Variants in RAB11FIP4 observed in about 807,000 individuals in gnomAD.
The protein encoded by RAB11FIP4 is rab11 family-interacting protein 4.
Under a neutral mutation model 74.3 loss-of-function variants are expected in RAB11FIP4, and 23 were observed. That is an observed-to-expected ratio of 0.31 (90% CI 0.22 to 0.44). RAB11FIP4 has a LOEUF of 0.44. RAB11FIP4 is among the 20% of genes least tolerant of loss of function. The pLI is 1.00. For synonymous variants in RAB11FIP4, 360 were observed against 359.9 expected, an observed-to-expected ratio of 1.00 and a Z score of 0.00; for missense variants, 630 against 863.9, an observed-to-expected ratio of 0.73 and a Z score of 3.39.
intron 1 of RAB11FIP4, among the ~76,000 whole-genome samples, chr17:31,408,165 C>T (rs1198562759): frequency 1.3e-5 from 2 of 152,262 alleles, no homozygotes; most frequent in Admixed American, 6.5e-5. Flanking sequence ...ACATTTTGAG[C>T]ATTATGACTT....
intron 3 of RAB11FIP4, among the ~76,000 whole-genome samples, chr17:31,466,006 G>T (rs1445077214): frequency 9.8e-6 from 1 of 101,848 alleles, no homozygotes; most frequent in African/African-American, 3.0e-5. Context: ...AGCCGGGTGT[G>T]GTAGCACGCG....
chr17:31,505,618 A>ATT (rs2072325658), intron 3 of RAB11FIP4, among the ~76,000 whole-genome samples: 2 of 34,786 alleles, frequency 5.7e-5, no homozygotes, highest in African/African-American at 2.9e-4. Flanking sequence ...AATTATATAT[A>ATT]ATATATAATT....
intron 3 of RAB11FIP4, among the ~76,000 whole-genome samples, chr17:31,497,233 A>G (rs1310315697): frequency 3.3e-5 from 5 of 152,098 alleles, no homozygotes; most frequent in Admixed American, 2.0e-4. Flanking sequence ...GCGTGGTGGC[A>G]GGCGCCTGTA....
intron 1 of RAB11FIP4, among the ~76,000 whole-genome samples, chr17:31,407,066 T>A (rs978383871): frequency 6.9e-6 from 1 of 144,142 alleles, no homozygotes; most frequent in African/African-American, 2.5e-5. Context: ...TTTTTTTTTT[T>A]TTTGAGACAA....
At position 31,408,457 on chromosome 17, in the gene RAB11FIP4, G is replaced by A. The variant is rs538558203; in HGVS notation, c.159+16446G>A. ...GTGTTTTATTACTGCTGAGAATTAAGTACTTTTTTTCCATTGATTTTTTTC... is the reference window on the plus strand; with the variant it reads ...GTGTTTTATTACTGCTGAGAATTAAATACTTTTTTTCCATTGATTTTTTTC... On this transcript the variant is annotated intron_variant, in intron 1 of 14. Coordinates refer to ENST00000621161, the MANE Select transcript of RAB11FIP4 (RefSeq NM_032932.6). Among the ~76,000 whole-genome samples, 7 of 152,260 alleles carry A rather than the reference G, an allele frequency of 4.6e-5. No individual in the cohort carries two copies. In the South Asian group the frequency reaches 1.4e-3, roughly 32 times the overall value.
rs116612286 is a variant in RAB11FIP4, at chr17:31,458,805, C to T, written c.336+24683C>T. Among the ~76,000 whole-genome samples, 645 of 152,304 alleles carry T rather than the reference C, an allele frequency of 4.2e-3. 2 individuals carry two copies. Among genetic ancestry groups the T allele is most frequent in the African/African-American group, 0.013 (544 of 41,562 alleles). On this transcript the variant is annotated intron_variant, in intron 3 of 14. Transcript: ENST00000621161. ...TGTGGGTCACCCAGGGTGTGAAACA[C>T]GTTTGGGGCGAAGCTGCCACTTCCT...
intron 1 of RAB11FIP4, among the ~76,000 whole-genome samples, chr17:31,394,195 C>CCT (rs1286174182): frequency 1.3e-5 from 2 of 152,256 alleles, no homozygotes; most frequent in African/African-American, 4.8e-5. Context: ...TGTCCTATCT[C>CCT]TCAGGCAGCG....
At position 31,464,498 on chromosome 17, in the gene RAB11FIP4, C is replaced by T. The variant is rs141999403; in HGVS notation, c.336+30376C>T. ...CGGAATTTCGCTCTTGTTGCCCAGG[C>T]GGGACTGCAGTGTCATGGTCTCTGC... On this transcript the variant is annotated intron_variant, in intron 3 of 14. Coordinates refer to ENST00000621161, the MANE Select transcript of RAB11FIP4 (RefSeq NM_032932.6). 1.2e-4 allele frequency among the ~76,000 whole-genome samples: 19 copies of T among 152,182 alleles called. No homozygotes were observed. The East Asian group carries it at 1.9e-3, about 15-fold the overall frequency.
intron 3 of RAB11FIP4, among the ~76,000 whole-genome samples, chr17:31,440,190 C>T (rs961213629): frequency 6.6e-6 from 1 of 152,158 alleles, no homozygotes; most frequent in African/African-American, 2.4e-5. Flanking sequence ...CCACCTGGAG[C>T]TTATTTTTGC....
chr17:31,500,064 C>T (rs1392917781), intron 3 of RAB11FIP4, among the ~76,000 whole-genome samples: 1 of 152,170 alleles, frequency 6.6e-6, no homozygotes, highest in Non-Finnish European at 1.5e-5. Flanking sequence ...GGCTAGATAG[C>T]CTCTTCAAAC....
At chr17:31,426,427 A>AT (rs75043888) in intron 1 of RAB11FIP4, among the ~76,000 whole-genome samples, 13,559 of 152,156 alleles carry the variant, frequency 0.089, 986 homozygotes, top group East Asian at 0.32. Context: ...AAATGAGACT[A>AT]TGTGTGAACC....
chr17:31,508,926 C>T (rs912613307), intron 3 of RAB11FIP4, among the ~76,000 whole-genome samples: 2 of 152,164 alleles, frequency 1.3e-5, no homozygotes, highest in Non-Finnish European at 2.9e-5. Context: ...GTGATGAAAA[C>T]ACTGAAAGAA....
In RAB11FIP4 at chr17:31,465,207, C is replaced by A. The variant is rs80300961; in HGVS notation, c.336+31085C>A. 4.3e-4 allele frequency among the ~76,000 whole-genome samples: 65 copies of A among 152,208 alleles called. 1 individual carries two copies. In the East Asian group the frequency reaches 0.011, roughly 26 times the overall value. ...GACTAGAACCTGGTTCTCCAGGCTC[C>A]AGGTCTGAGGTCTTTCCCCTGTAGT... On this transcript the variant is annotated intron_variant, in intron 3 of 14. Coordinates refer to ENST00000621161, the MANE Select transcript of RAB11FIP4 (RefSeq NM_032932.6).
At chr17:31,529,303 GC>G in intron 13 of RAB11FIP4, among the ~76,000 whole-genome samples, 1 of 152,140 alleles carries the variant, frequency 6.6e-6, no homozygotes, top group East Asian at 1.9e-4. Context: ...TCACTGTGTT[GC>G]CCAGGGTGGA....
At chr17:31,469,869 CTCT>C (rs1001841471) in intron 3 of RAB11FIP4, among the ~76,000 whole-genome samples, 2 of 152,202 alleles carry the variant, frequency 1.3e-5, no homozygotes, top group African/African-American at 4.8e-5. Flanking sequence ...ATATTGTCTC[CTCT>C]GAGCCTCTCA....
chr17:31,486,109 C>T (rs1293340148), intron 3 of RAB11FIP4, among the ~76,000 whole-genome samples: 1 of 152,074 alleles, frequency 6.6e-6, no homozygotes, highest in Non-Finnish European at 1.5e-5. Flanking sequence ...TGGCACACAC[C>T]AGTAGTCTCA....
intron 3 of RAB11FIP4, among the ~76,000 whole-genome samples, chr17:31,436,753 GTTTTTTTTTTGT>G (rs767694239): frequency 5.5e-5 from 8 of 145,906 alleles, no homozygotes; most frequent in African/African-American, 1.8e-4. Context: ...TTTGTTTTTT[GTTTTTTTTTTGT>G]TTTTTTTTGT....
intron 3 of RAB11FIP4, among the ~76,000 whole-genome samples, chr17:31,459,405 T>C (rs993784309): frequency 1.3e-5 from 2 of 152,136 alleles, no homozygotes; most frequent in African/African-American, 4.8e-5. Flanking sequence ...GATCACTAGA[T>C]TCTTAACTCC....
At chr17:31,432,020 G>A (rs2071314669) in intron 2 of RAB11FIP4, 120 bp downstream of exon 2, 3 of 735,960 alleles carry the variant, frequency 4.1e-6, no homozygotes, top group Middle Eastern at 3.8e-4. Context: ...CCCAGGATGG[G>A]CCAGAAGTCG....
Sources: gnomAD v4.1 joint callset for allele counts (sites outside exome capture counted in the v4.1 genomes callset) on GRCh38, gnomAD v4.1.1 for gene constraint, MANE v1.5 for transcripts, NCBI Gene and HGNC (gene_info 2026-07-23, HGNC 2026-07-21) for gene names.